LARS1: variants seen among roughly 807,000 people sequenced by gnomAD.
The protein encoded by LARS1 is leucyl-tRNA synthetase 1.
A neutral mutation model predicts 162.8 loss-of-function variants in LARS1; 100 were observed. The ratio of observed to expected loss-of-function variants is 0.61; its 90% confidence interval spans 0.52 to 0.73. The LOEUF (loss-of-function observed/expected upper bound fraction) is 0.73. Ranked by LOEUF, LARS1 falls within the 30% of genes least tolerant of loss-of-function variation. The pLI, the probability that LARS1 is intolerant of heterozygous loss-of-function variation, is 0.00. For synonymous variants in LARS1, 457 were observed against 462.8 expected (o/e 0.99, Z 0.16); for missense variants, 1,258 against 1,408.9 (o/e 0.89, Z 1.71).
chr5:146,179,102 T>G (rs1754721744), intron 1 of LARS1, among the ~76,000 whole-genome samples: 1 of 152,074 alleles, frequency 6.6e-6, no homozygotes, highest in South Asian at 2.1e-4. Context: ...TGCGTTGGCA[T>G]GCGCCTATAA....
intron 2 of LARS1, 52 bp downstream of exon 2, chr5:146,177,495 T>C (rs1450389596): frequency 5.4e-6 from 1 of 184,538 alleles, no homozygotes; most frequent in Non-Finnish European, 1.0e-5. Context: ...TATATATATA[T>C]ATATATATAT....
intron 20 of LARS1, among the ~76,000 whole-genome samples, chr5:146,141,302 A>G (rs1254472943): frequency 6.6e-6 from 1 of 152,094 alleles, no homozygotes; most frequent in South Asian, 2.1e-4. Flanking sequence ...GATATTAAAG[A>G]CCTTCCTCGA....
At chr5:146,146,493 G>T (rs1753013454) in intron 15 of LARS1, among the ~76,000 whole-genome samples, 1 of 124,100 alleles carries the variant, frequency 8.1e-6, no homozygotes, top group Non-Finnish European at 1.7e-5. Flanking sequence ...ATAAAATAGA[G>T]GTTAGAACCC....
chr5:146,148,193 A>C (rs975826996), intron 15 of LARS1, among the ~76,000 whole-genome samples: 4 of 152,236 alleles, frequency 2.6e-5, no homozygotes, highest in African/African-American at 9.6e-5. Context: ...AAAGAATATA[A>C]GGACATAGAC....
intron 7 of LARS1, 56 bp downstream of exon 7, chr5:146,160,318 G>A (rs982101204): frequency 1.3e-5 from 12 of 957,500 alleles, no homozygotes; most frequent in Admixed American, 3.1e-5. Context: ...TTACAGGCGT[G>A]AGCCTCTGTG....
intron 20 of LARS1, among the ~76,000 whole-genome samples, chr5:146,141,930 G>A (rs1288298892): frequency 6.6e-6 from 1 of 152,122 alleles, no homozygotes; most frequent in Non-Finnish European, 1.5e-5. Flanking sequence ...GGAGGCCAAG[G>A]CGGGTGGATC....
In LARS1 at chr5:146,125,002, T is replaced by TACACACACAC. The variant is rs141205004; in HGVS notation, c.2992-926_2992-917dup. Among the ~76,000 whole-genome samples, 120 of 150,944 alleles carry TACACACACAC rather than the reference T, an allele frequency of 7.9e-4. 3 individuals carry two copies. The South Asian group carries it at 0.02, about 25-fold the overall frequency. On this transcript the variant is annotated intron_variant, in intron 28 of 31. Coordinates refer to ENST00000394434, the MANE Select transcript of LARS1 (RefSeq NM_020117.11). ...AACTCTTGAATCTAATATCATTTTA[T>TACACACACAC]ACACACACACACACGCACACACACA...
intron 2 of LARS1, among the ~76,000 whole-genome samples, chr5:146,175,698 G>A (rs1341263555): frequency 2.6e-5 from 4 of 151,782 alleles, no homozygotes; most frequent in Admixed American, 2.6e-4. Context: ...CATGGTGGCA[G>A]CCGCCTGTAG....
chr5:146,159,641 T>C (rs1253584588), intron 7 of LARS1, among the ~76,000 whole-genome samples, 171 bp from the exon 8 acceptor site: 2 of 152,146 alleles, frequency 1.3e-5, no homozygotes, highest in African/African-American at 4.8e-5. Flanking sequence ...AACCTACTTA[T>C]TTAATGAAAG....
intron 10 of LARS1, among the ~76,000 whole-genome samples, chr5:146,155,338 C>T (rs1018324562): frequency 1.4e-4 from 21 of 152,016 alleles, no homozygotes; most frequent in African/African-American, 5.1e-4. Context: ...CAAGTCTACC[C>T]AATGCTGAGT....
At chr5:146,144,398 T>C (rs759145913) in intron 17 of LARS1, 49 bp from the exon 18 acceptor site, 1 of 1,597,048 alleles carries the variant, frequency 6.3e-7, no homozygotes, top group Non-Finnish European at 8.5e-7. Flanking sequence ...TCACTTTTTT[T>C]GTTGCATTTC....
At chr5:146,129,159 A>C in intron 25 of LARS1, 41 bp from the exon 26 acceptor site, 1 of 1,502,724 alleles carries the variant, frequency 6.7e-7, no homozygotes. Context: ...CAGTGAGATT[A>C]GACAATATAA....
chr5:146,116,176 C>G (rs775669537), intron 31 of LARS1, among the ~76,000 whole-genome samples: 1 of 152,106 alleles, frequency 6.6e-6, no homozygotes, highest in African/African-American at 2.4e-5. Context: ...AGAGAGCAGG[C>G]GCAATCTTCA....
At chr5:146,155,502 TG>T (rs1441313681) in intron 10 of LARS1, among the ~76,000 whole-genome samples, 1 of 152,200 alleles carries the variant, frequency 6.6e-6, no homozygotes, top group East Asian at 1.9e-4. Flanking sequence ...TAATTTCACT[TG>T]AAAAAATCCA....
At chr5:146,153,851 T>C (rs1323076775) in intron 11 of LARS1, 41 bp from the exon 12 acceptor site, 2 of 1,609,118 alleles carry the variant, frequency 1.2e-6, no homozygotes, top group Non-Finnish European at 1.7e-6. Flanking sequence ...AGAACCAAAA[T>C]GTGTTTATCA....
At chr5:146,152,809 C>CAA (rs1279734130) in intron 13 of LARS1, among the ~76,000 whole-genome samples, 1 of 141,970 alleles carries the variant, frequency 7.0e-6, no homozygotes, top group Non-Finnish European at 1.6e-5. Flanking sequence ...AAACATAAAA[C>CAA]AGAGTTGTAC....
At chr5:146,173,101 A>G (rs1754349386) in intron 2 of LARS1, among the ~76,000 whole-genome samples, 1 of 152,112 alleles carries the variant, frequency 6.6e-6, no homozygotes, top group African/African-American at 2.4e-5. Context: ...TAATCCCAAC[A>G]CTTTGGGAGG....
intron 5 of LARS1, 128 bp from the exon 6 acceptor site, chr5:146,164,599 G>T: frequency 1.1e-6 from 1 of 885,832 alleles, no homozygotes; most frequent in Non-Finnish European, 1.8e-6. Context: ...AACACTGCAG[G>T]AATTAGTTGT....
chr5:146,131,486 G>GGTTTTT lies in LARS1; in HGVS notation c.2397-378_2397-377insAAAAAC, dbSNP rs1561802916. On this transcript the variant is annotated intron_variant, in intron 23 of 31. Coordinates refer to ENST00000394434, the MANE Select transcript of LARS1 (RefSeq NM_020117.11). ...ATAGCCTAACTAAGGTTGTAGCCAA[G>GGTTTTT]TTTTTTTTTTTTTTTTTTTTTTTTT... 5.0e-5 allele frequency: 6 copies of GGTTTTT among 119,458 alleles called. 1 individual carries two copies. The highest frequency in any genetic ancestry group is 5.0e-5 in the Non-Finnish European group (3 of 59,648). 7.4% of individuals were successfully genotyped at this position (119,458 alleles called of 1,614,324 possible). A position where few individuals can be genotyped will look rare whatever the true frequency, so the allele number is the denominator to read the frequency against.
Sources: allele counts gnomAD v4.1 joint callset (sites outside exome capture counted in the v4.1 genomes callset), GRCh38; gene constraint gnomAD v4.1.1; transcripts MANE v1.5; gene names NCBI Gene and HGNC (gene_info 2026-07-23, HGNC 2026-07-21).